CLTC: variants seen among roughly 807,000 people sequenced by gnomAD.
The protein encoded by CLTC is clathrin heavy chain 1.
CLTC carries 16 observed loss-of-function variants against 195.8 expected under a neutral mutation model. The observed-to-expected ratio is 0.08, with a 90% CI of 0.06 to 0.12. The LOEUF is 0.12. Among genes scored for constraint, CLTC ranks in the 10% least tolerant of loss-of-function variants. The pLI is 1.00. For missense variants in CLTC, 796 were observed against 2,027.0 expected (o/e 0.39, Z 11.66); for synonymous variants, 667 against 689.4 (o/e 0.97, Z 0.51).
chr17:59,633,540 G>A (rs1026317172), intron 1 of CLTC, among the ~76,000 whole-genome samples: 5 of 152,058 alleles, frequency 3.3e-5, no homozygotes, highest in Admixed American at 2.6e-4. Context: ...AAAATAAAAT[G>A]GTTCTAGTCT....
intron 31 of CLTC, among the ~76,000 whole-genome samples, chr17:59,691,838 C>T (rs573373312): frequency 6.6e-6 from 1 of 151,586 alleles, no homozygotes; most frequent in Admixed American, 6.6e-5. Context: ...AGATAGGAAA[C>T]ACATCAAGTC....
At position 59,647,222 on chromosome 17, in the gene CLTC, G is replaced by C. The variant is rs183243102; in HGVS notation, c.251-176G>C. Among the ~76,000 whole-genome samples, 341 of 152,308 alleles carry C rather than the reference G, an allele frequency of 2.2e-3. 1 individual carries two copies. Among genetic ancestry groups the C allele is most frequent in the South Asian group, 0.019 (91 of 4,822 alleles). ...TAATGTAGTTTTTGCTTAAAACGTA[G>C]ATGTAGATTGTTTGCTTAGTCTTAG... is the stretch of plus-strand genomic sequence containing the variant. On this transcript the variant is annotated intron_variant, in intron 2 of 31. Transcript: ENST00000269122.
At chr17:59,634,492 G>A (rs2031809123) in intron 1 of CLTC, among the ~76,000 whole-genome samples, 1 of 152,116 alleles carries the variant, frequency 6.6e-6, no homozygotes, top group Non-Finnish European at 1.5e-5. Flanking sequence ...TTTCCAATCA[G>A]CAGTTGATTA....
intron 31 of CLTC, among the ~76,000 whole-genome samples, chr17:59,691,079 A>T (rs1244783286): frequency 2.0e-5 from 3 of 152,234 alleles, no homozygotes. Context: ...TATGCTTTAC[A>T]TAAAGAATAC....
intron 1 of CLTC, among the ~76,000 whole-genome samples, chr17:59,640,459 C>T (rs1461699447): frequency 4.7e-5 from 7 of 150,382 alleles, no homozygotes; most frequent in African/African-American, 7.4e-5. Context: ...TGCAGTAGGG[C>T]GGTCTTGGCT....
intron 1 of CLTC, among the ~76,000 whole-genome samples, chr17:59,630,637 G>C (rs1448994592): frequency 6.6e-6 from 1 of 152,058 alleles, no homozygotes; most frequent in Admixed American, 6.6e-5. Flanking sequence ...GGATTTACCT[G>C]TTCTGGATAT....
intron 1 of CLTC, among the ~76,000 whole-genome samples, chr17:59,635,480 A>G (rs1371641347): frequency 6.6e-6 from 1 of 152,196 alleles, no homozygotes; most frequent in Non-Finnish European, 1.5e-5. Context: ...GTAGGCTCAA[A>G]GCAAACCTAT....
intron 5 of CLTC, among the ~76,000 whole-genome samples, chr17:59,653,630 C>A (rs1262742535): frequency 6.6e-6 from 1 of 152,086 alleles, no homozygotes; most frequent in Non-Finnish European, 1.5e-5. Flanking sequence ...TAGCTCACTG[C>A]AGCCTTGGAA....
At chr17:59,655,495 G>A (rs545769242) in intron 5 of CLTC, among the ~76,000 whole-genome samples, 2 of 152,352 alleles carry the variant, frequency 1.3e-5, no homozygotes, top group East Asian at 3.9e-4. Context: ...AGCACATGCT[G>A]TTGGAAAATA....
chr17:59,631,675 AG>A (rs2031721493), intron 1 of CLTC, among the ~76,000 whole-genome samples: 1 of 152,260 alleles, frequency 6.6e-6, no homozygotes, highest in Non-Finnish European at 1.5e-5. Flanking sequence ...TTTTTTAAAA[AG>A]ATTTTGAATT....
At chr17:59,689,834 A>T (rs1234968536) in intron 30 of CLTC, 1 of 152,204 alleles carries the variant, frequency 6.6e-6, no homozygotes, top group Non-Finnish European at 1.5e-5. Context: ...AGGAAATTTG[A>T]GGGCCAGTGC....
At chr17:59,667,077 T>C in intron 13 of CLTC, 100 bp downstream of exon 13, 1 of 943,134 alleles carries the variant, frequency 1.1e-6, no homozygotes, top group Non-Finnish European at 1.5e-6. Context: ...TTCTAAAAAT[T>C]TGGTTCTATG....
In CLTC at chr17:59,660,669, C is replaced by G; in HGVS notation, c.1167+81C>G. 2.2e-6 allele frequency: 3 copies of G among 1,334,910 alleles called. No individual in the cohort carries two copies. The Middle Eastern group carries it at 5.5e-4, about 246-fold the overall frequency. The allele number at this position is 1,334,910 out of a possible 1,614,324, so 82.7% of individuals were successfully genotyped here. ...TTTCTTATATTACTAGAAAAGGAAC[C>G]AGCTTCCTACAGATAAACTGTTTTT... On this transcript the variant is annotated intron_variant, in intron 7 of 31. Coordinates refer to ENST00000269122, the MANE Select transcript of CLTC (RefSeq NM_004859.4).
Position 59,683,819 on chromosome 17 carries a change from T to C in CLTC, c.4324-56T>C. 1 of 1,612,120 alleles carries C rather than the reference T, an allele frequency of 6.2e-7. No homozygotes were observed. The highest frequency in any genetic ancestry group is 8.5e-7 in the Non-Finnish European group (1 of 1,178,310). On this transcript the variant is annotated intron_variant, in intron 27 of 31. Transcript: ENST00000269122. The surrounding 1 kb of genome is among the most constrained non-coding windows in gnomAD (Gnocchi z 6.1). ...GAATTAGGACATACTTCGATAACTT[T>C]TGTCCCTGGGACTTCAATAATGTGC...
chr17:59,628,781 C>T (rs2143448498), intron 1 of CLTC, among the ~76,000 whole-genome samples: 1 of 152,284 alleles, frequency 6.6e-6, no homozygotes, highest in South Asian at 2.1e-4. Context: ...GCCTCAGCCT[C>T]CTGAGTAGCT....
chr17:59,655,916 T>A lies in CLTC; in HGVS notation c.858T>A (p.Asp286Glu). The change falls in exon 6 of 32, where the codon GAT becomes GAA. Residue 286 changes from aspartate (D) to glutamate (E), a missense_variant. By Grantham distance (45) the Asp-to-Glu change is conservative. Coordinates refer to ENST00000269122, the MANE Select transcript of CLTC (RefSeq NM_004859.4). ...AGTATGGTTATATCCACCTCTATGA[T>A]CTTGAGACTGGTACCTGCATCTACA... Reference protein sequence around the residue: ...ITKYGYIHLYDLETGTCIYMN... With the variant: ...ITKYGYIHLYELETGTCIYMN... 6.2e-7 allele frequency: 1 copy of A among 1,612,266 alleles called. No homozygotes were observed. The highest frequency in any genetic ancestry group is 8.5e-7 in the Non-Finnish European group (1 of 1,179,460).
intron 9 of CLTC, 65 bp from the exon 10 acceptor site, chr17:59,664,722 A>C (rs961027404): frequency 6.5e-7 from 1 of 1,546,818 alleles, no homozygotes; most frequent in African/African-American, 1.4e-5. Context: ...TTATAGTAGA[A>C]AAAGTCTTTA....
At position 59,696,092 on chromosome 17, in the gene CLTC, C is replaced by CT. The variant is rs1355148109; in HGVS notation, c.*2241dup. 9.4e-6 allele frequency: 2 copies of CT among 213,740 alleles called. No individual in the cohort carries two copies. Among genetic ancestry groups the CT allele is most frequent in the Non-Finnish European group, 1.9e-5 (2 of 105,900 alleles). The allele number at this position is 213,740 out of a possible 1,614,324, so 13.2% of individuals were successfully genotyped here. On this transcript the variant is annotated 3_prime_UTR_variant, in exon 32 of 32. Transcript: ENST00000269122. ...TACCTTTGAATTTGGAGCCATCAGT[C>CT]TATCTGAGGCAAACCTCAGAAATTA...
intron 7 of CLTC, 46 bp from the exon 8 acceptor site, chr17:59,661,397 C>T (rs754547861): frequency 6.7e-7 from 1 of 1,485,176 alleles, no homozygotes; most frequent in Non-Finnish European, 9.4e-7. Flanking sequence ...TAACATTTCT[C>T]CTTCTTACAC....
Sources: gnomAD v4.1 joint callset for allele counts (sites outside exome capture counted in the v4.1 genomes callset) on GRCh38, gnomAD v4.1.1 for gene constraint, Gnocchi (gnomAD v3.1) non-coding constraint, MANE v1.5 for transcripts, NCBI Gene and HGNC (gene_info 2026-07-23, HGNC 2026-07-21) for gene names.